The following MCC variants were observed in gnomAD, a reference collection of about 807,000 sequenced individuals.
The protein encoded by MCC is colorectal mutant cancer protein.
A neutral mutation model predicts 116.2 loss-of-function variants in MCC; 90 were observed. That is an observed-to-expected ratio of 0.77 (90% CI 0.65 to 0.92). The LOEUF (loss-of-function observed/expected upper bound fraction) is 0.92. MCC is among the 40% of genes least tolerant of loss of function. The pLI, the probability that MCC is intolerant of heterozygous loss-of-function variation, is 0.00. For synonymous variants in MCC, 578 were observed against 510.5 expected, an observed-to-expected ratio of 1.13 and a Z score of -1.78; for missense variants, 1,516 against 1,312.2, an observed-to-expected ratio of 1.16 and a Z score of -2.40.
At chr5:113,281,023 AC>A (rs1161547970) in intron 3 of MCC, among the ~76,000 whole-genome samples, 1 of 152,202 alleles carries the variant, frequency 6.6e-6, no homozygotes, top group African/African-American at 2.4e-5. Flanking sequence ...CTGCTTAACA[AC>A]TTCAAAACAC....
At chr5:113,399,341 C>T (rs1056700075) in intron 1 of MCC, among the ~76,000 whole-genome samples, 5 of 152,044 alleles carry the variant, frequency 3.3e-5, no homozygotes, top group Admixed American at 6.6e-5. Context: ...AAAAATTAGC[C>T]GGGCGTGGTG....
At chr5:113,274,980 T>C (rs781735948) in intron 3 of MCC, among the ~76,000 whole-genome samples, 3 of 152,238 alleles carry the variant, frequency 2.0e-5, no homozygotes, top group Non-Finnish European at 4.4e-5. Flanking sequence ...GCTTTCAGCA[T>C]GCCAGTGAAG....
At chr5:113,432,340 A>AG (rs1441792271) in intron 1 of MCC, among the ~76,000 whole-genome samples, 1 of 140,052 alleles carries the variant, frequency 7.1e-6, no homozygotes, top group Non-Finnish European at 1.6e-5. Flanking sequence ...AAAAAAAAAA[A>AG]AAAGAAAAGA....
At chr5:113,240,644 T>C (rs952063366) in intron 3 of MCC, among the ~76,000 whole-genome samples, 2 of 152,200 alleles carry the variant, frequency 1.3e-5, no homozygotes, top group African/African-American at 2.4e-5. Context: ...AATATTACAT[T>C]TCCCTTCCTT....
In MCC at chr5:113,331,903, G is replaced by T. The variant is rs748552837; in HGVS notation, c.627+8616C>A. ...TCCGCCCACCTCGGCCTCCCAAAGT[G>T]TGGGATTACAGGTGTGAGCCACTGC... On this transcript the variant is annotated intron_variant, in intron 3 of 18. Coordinates refer to ENST00000408903, the MANE Select transcript of MCC (RefSeq NM_001085377.2). Among the ~76,000 whole-genome samples the T allele has an allele frequency of 1.7e-3, 254 of 151,676 alleles. 3 individuals carry two copies. Among genetic ancestry groups the T allele is most frequent in the Non-Finnish European group, 7.2e-4 (49 of 68,006 alleles).
chr5:113,334,200 T>C (rs1188175496), intron 3 of MCC, among the ~76,000 whole-genome samples: 1 of 148,698 alleles, frequency 6.7e-6, no homozygotes, highest in African/African-American at 2.5e-5. Context: ...ATATATATTA[T>C]ATATATATTA....
intron 3 of MCC, among the ~76,000 whole-genome samples, chr5:113,215,714 G>A (rs571974393): frequency 6.6e-6 from 1 of 152,306 alleles, no homozygotes; most frequent in African/African-American, 2.4e-5. Flanking sequence ...CCGGCGCAAT[G>A]ATCTTGGACG....
chr5:113,135,696 C>T (rs1357302338), intron 5 of MCC, among the ~76,000 whole-genome samples: 2 of 152,000 alleles, frequency 1.3e-5, no homozygotes, highest in Non-Finnish European at 1.5e-5. Context: ...CACCTAGATA[C>T]GTAACCTACC....
chr5:113,150,623 A>C (rs771601386), intron 4 of MCC, among the ~76,000 whole-genome samples: 1 of 152,154 alleles, frequency 6.6e-6, no homozygotes. Context: ...TAATACCCCA[A>C]GAGAAAAGGA....
intron 1 of MCC, among the ~76,000 whole-genome samples, chr5:113,389,327 A>C (rs891860855): frequency 6.6e-6 from 1 of 152,122 alleles, no homozygotes; most frequent in Non-Finnish European, 1.5e-5. Context: ...GGTGGAGGCT[A>C]TTTCCCTGCC....
At chr5:113,269,282 C>T in intron 3 of MCC, 1 of 860,474 alleles carries the variant, frequency 1.2e-6, no homozygotes, top group South Asian at 5.3e-5. Context: ...TGCAGGGAAC[C>T]AGAGGCCAAT....
At chr5:113,205,150 A>C (rs1020366764) in intron 3 of MCC, among the ~76,000 whole-genome samples, 5 of 151,936 alleles carry the variant, frequency 3.3e-5, no homozygotes, top group Non-Finnish European at 7.4e-5. Context: ...ATTTTTCTCT[A>C]TGAGTTCCCT....
chr5:113,289,074 T>C (rs1766377235), intron 3 of MCC, among the ~76,000 whole-genome samples: 1 of 152,158 alleles, frequency 6.6e-6, no homozygotes, highest in East Asian at 1.9e-4. Flanking sequence ...GGTTCACGCC[T>C]ACAATCCCAA....
At chr5:113,072,184 G>A (rs562518367) in intron 11 of MCC, among the ~76,000 whole-genome samples, 3 of 152,314 alleles carry the variant, frequency 2.0e-5, no homozygotes, top group African/African-American at 7.2e-5. Flanking sequence ...CAAACTGCAA[G>A]TGACTTGAAA....
At chr5:113,465,589 C>T (rs557688230) in intron 1 of MCC, among the ~76,000 whole-genome samples, 19 of 151,962 alleles carry the variant, frequency 1.3e-4, no homozygotes, top group Non-Finnish European at 1.6e-4. Flanking sequence ...TAAAACAAGA[C>T]GAACATTTTA....
intron 3 of MCC, chr5:113,294,428 G>A (rs1269450877): frequency 1.9e-6 from 3 of 1,613,050 alleles, no homozygotes; most frequent in Admixed American, 1.7e-5. Context: ...CCAGGTCTCG[G>A]AGCTTAAGAG....
At chr5:113,439,943 T>C (rs1580377694) in intron 1 of MCC, among the ~76,000 whole-genome samples, 1 of 152,124 alleles carries the variant, frequency 6.6e-6, no homozygotes, top group Non-Finnish European at 1.5e-5. Flanking sequence ...TACCTCACTA[T>C]AGCCTCAACC....
intron 1 of MCC, among the ~76,000 whole-genome samples, chr5:113,462,105 G>T (rs1771760726): frequency 6.6e-6 from 1 of 152,192 alleles, no homozygotes; most frequent in Non-Finnish European, 1.5e-5. Context: ...TTTAAAAATG[G>T]TATTTTCTTG....
intron 15 of MCC, among the ~76,000 whole-genome samples, chr5:113,052,418 A>G (rs1752545046): frequency 8.0e-6 from 1 of 124,788 alleles, no homozygotes; most frequent in African/African-American, 3.0e-5. Context: ...AGAGGTCAGG[A>G]TGGGAGCTGC....
Sources: gnomAD v4.1 joint callset for allele counts (sites outside exome capture counted in the v4.1 genomes callset) on GRCh38, gnomAD v4.1.1 for gene constraint, MANE v1.5 for transcripts, NCBI Gene and HGNC (gene_info 2026-07-23, HGNC 2026-07-21) for gene names.